Variants in CLUAP1 observed in about 807,000 individuals in gnomAD.
CLUAP1 encodes clusterin-associated protein 1.
In CLUAP1, 50 loss-of-function variants were observed where a neutral mutation model predicts 55.0. That is an observed-to-expected ratio of 0.91 (90% CI 0.72 to 1.15). The LOEUF is 1.15. Among genes scored for constraint, CLUAP1 ranks in the 50% most tolerant of loss-of-function variants. The probability of loss-of-function intolerance (pLI) is 0.00; values close to 1 mark genes in which losing one functional copy is unlikely to be tolerated. For synonymous variants in CLUAP1, 195 were observed against 175.4 expected (o/e 1.11, Z -0.88); for missense variants, 530 against 507.6 (o/e 1.04, Z -0.42).
chr16:3,515,488 A>G lies in CLUAP1; in HGVS notation c.496-20A>G. The G allele has an allele frequency of 6.4e-7, 1 of 1,550,436 alleles. No homozygotes were observed. The highest frequency in any genetic ancestry group is 8.8e-7 in the Non-Finnish European group (1 of 1,137,356). ...ACTCCTTTTCTGAAAATATACGTAAATGATTTTACTGTTTCCTAGGAAATG... is the reference window on the plus strand; with the variant it reads ...ACTCCTTTTCTGAAAATATACGTAAGTGATTTTACTGTTTCCTAGGAAATG... On this transcript the variant is annotated intron_variant, in intron 5 of 11. Transcript: ENST00000576634.
At position 3,512,389 on chromosome 16, in the gene CLUAP1, G is replaced by C; in HGVS notation, c.406G>C (p.Asp136His). 4 of 1,613,520 alleles carry C rather than the reference G, an allele frequency of 2.5e-6. No individual in the cohort carries two copies. Among genetic ancestry groups the C allele is most frequent in the Non-Finnish European group, 3.4e-6 (4 of 1,179,508 alleles). The change falls in exon 5 of 12, where the codon GAT (aspartate) becomes CAT (histidine). Residue 136 changes from aspartate (D) to histidine (H), a missense_variant. Coordinates refer to ENST00000576634, the MANE Select transcript of CLUAP1 (RefSeq NM_015041.3). ...TTTGTTATTTTCCTTCCAGATTGCA[G>C]ATTTGAAGGCAGCCAGGCAGCTTGC... ...FKFDLGSKIA[D>H]LKAARQLASE...
intron 1 of CLUAP1, among the ~76,000 whole-genome samples, chr16:3,501,491 C>T (rs1054498044): frequency 2.6e-5 from 4 of 152,190 alleles, no homozygotes; most frequent in African/African-American, 9.7e-5. Flanking sequence ...GCTTAGAAAA[C>T]CGAACAGCAG....
At chr16:3,498,532 G>C (rs745333609), upstream of CLUAP1, among the ~76,000 whole-genome samples, 13 of 152,050 alleles carry the variant, frequency 8.5e-5, no homozygotes, top group Non-Finnish European at 1.9e-4. Context: ...AACACGGCTG[G>C]GCATGGTGGC....
chr16:3,509,204 A>G (rs2037569990), intron 4 of CLUAP1, among the ~76,000 whole-genome samples: 1 of 152,214 alleles, frequency 6.6e-6, no homozygotes, highest in Non-Finnish European at 1.5e-5. Context: ...AGCCATGTTC[A>G]TGGCACTGCG....
At chr16:3,515,376 G>T in intron 5 of CLUAP1, 132 bp from the exon 6 acceptor site, 1 of 627,392 alleles carries the variant, frequency 1.6e-6, no homozygotes, top group East Asian at 3.1e-5. Context: ...TGGTGGCAGT[G>T]TTTTTGCATC....
At chr16:3,520,844 C>T (rs565383479) in intron 7 of CLUAP1, among the ~76,000 whole-genome samples, 1 of 152,046 alleles carries the variant, frequency 6.6e-6, no homozygotes, top group East Asian at 1.9e-4. Context: ...AATAGTGGTG[C>T]CGGCTCTCTC....
intron 6 of CLUAP1, among the ~76,000 whole-genome samples, chr16:3,517,465 C>T (rs1416050852): frequency 6.6e-6 from 1 of 151,924 alleles, no homozygotes; most frequent in Admixed American, 6.6e-5. Context: ...CGCCACCACG[C>T]CCAGCTAATT....
At chr16:3,501,351 G>C (rs912050936) in intron 1 of CLUAP1, among the ~76,000 whole-genome samples, 3 of 152,252 alleles carry the variant, frequency 2.0e-5, no homozygotes, top group African/African-American at 7.2e-5. Context: ...AATGTGGCTA[G>C]TGCAGATGAA....
At chr16:3,512,844 C>G (rs1169181300) in intron 5 of CLUAP1, among the ~76,000 whole-genome samples, 1 of 152,094 alleles carries the variant, frequency 6.6e-6, no homozygotes, top group East Asian at 1.9e-4. Context: ...CCACACCCGG[C>G]TAATTTTTTG....
At chr16:3,499,415 T>C (rs2037347520), upstream of CLUAP1, among the ~76,000 whole-genome samples, 1 of 152,264 alleles carries the variant, frequency 6.6e-6, no homozygotes, top group Non-Finnish European at 1.5e-5. Context: ...TTTGTTGTTT[T>C]AGCCATTTTA....
Position 3,536,827 on chromosome 16 carries a change from A to G in CLUAP1, c.*556A>G, listed in dbSNP as rs1181653929. 2 of 152,270 alleles carry G rather than the reference A, an allele frequency of 1.3e-5. No individual in the cohort carries two copies. Among genetic ancestry groups the G allele is most frequent in the Non-Finnish European group, 2.9e-5 (2 of 68,080 alleles). The allele number at this position is 152,270 out of a possible 1,614,324, so 9.4% of individuals were successfully genotyped here. A position where few individuals can be genotyped will look rare whatever the true frequency, so the allele number is the denominator to read the frequency against. On this transcript the variant is annotated 3_prime_UTR_variant, in exon 12 of 12. Coordinates refer to ENST00000576634, the MANE Select transcript of CLUAP1 (RefSeq NM_015041.3). ...AGCATTAAATGTATTTTAATAACTA[A>G]ACTTTTCTGAAAGAAGGTTAGCTAA...
At chr16:3,495,885 C>G in the CLUAP1 span, among the ~76,000 whole-genome samples, 5 of 152,058 alleles carry the variant, frequency 3.3e-5, no homozygotes, top group African/African-American at 1.2e-4. Flanking sequence ...GCAGGCTGAT[C>G]AGTTGAGGTC....
chr16:3,535,530 GGAGA>G (rs1349317394), intron 11 of CLUAP1: 2 of 153,328 alleles, frequency 1.3e-5, no homozygotes, highest in Non-Finnish European at 2.9e-5. Flanking sequence ...GATCCGATGA[GGAGA>G]GAGAGGGTGT....
chr16:3,522,028 T>G (rs1294912739), intron 7 of CLUAP1, among the ~76,000 whole-genome samples: 3 of 152,110 alleles, frequency 2.0e-5, no homozygotes, highest in African/African-American at 7.2e-5. Flanking sequence ...CACTGCACTG[T>G]AGCCTGGGTG....
upstream of CLUAP1, chr16:3,496,596 T>C (rs2037313874): frequency 1.9e-6 from 1 of 533,298 alleles, no homozygotes; most frequent in South Asian, 1.4e-5. Flanking sequence ...CTGGACTCCC[T>C]CAAGGACGGC....
rs1234310577 is a variant in CLUAP1, at chr16:3,529,798, ATTATT to A, written c.929-769_929-765del. On this transcript the variant is annotated intron_variant, in intron 9 of 11. Coordinates refer to ENST00000576634, the MANE Select transcript of CLUAP1 (RefSeq NM_015041.3). ...TTATATATTATATAATATATATTAT[ATTATT>A]ATATATATATTATAATATAATATAT... 8.1e-5 allele frequency among the ~76,000 whole-genome samples: 5 copies of A among 61,764 alleles called. 2 individuals are homozygous for A. The highest frequency in any genetic ancestry group is 2.9e-4 in the African/African-American group (4 of 14,010). The allele number at this position is 61,764 out of a possible 152,430, so 40.5% of individuals were successfully genotyped here. A position where few individuals can be genotyped will look rare whatever the true frequency, so the allele number is the denominator to read the frequency against.
intron 6 of CLUAP1, 151 bp downstream of exon 6, chr16:3,515,742 C>G (rs1193136005): frequency 2.1e-6 from 1 of 467,938 alleles, no homozygotes; most frequent in African/African-American, 2.0e-5. Flanking sequence ...TCGAGCTTAC[C>G]TAGGTCACTT....
intron 9 of CLUAP1, among the ~76,000 whole-genome samples, chr16:3,529,664 ATAT>A (rs1290657124): frequency 0.025 from 324 of 13,220 alleles, 38 homozygotes; most frequent in African/African-American, 0.17. Context: ...TATATATTAT[ATAT>A]TATTATATAT....
chr16:3,508,166 T>C, intron 3 of CLUAP1, 123 bp from the exon 4 acceptor site: 3 of 780,206 alleles, frequency 3.8e-6, no homozygotes. Context: ...CTTGAATGCT[T>C]TGCTTTTATT....
Sources: allele counts gnomAD v4.1 joint callset (sites outside exome capture counted in the v4.1 genomes callset), GRCh38; gene constraint gnomAD v4.1.1; transcripts MANE v1.5; gene names NCBI Gene and HGNC (gene_info 2026-07-23, HGNC 2026-07-21).